The following RAB6A variants were observed in gnomAD, a reference collection of about 807,000 sequenced individuals.
The protein encoded by RAB6A is RAB6A, member RAS oncogene family, also known as ras-related protein Rab-6A.
RAB6A carries 8 observed loss-of-function variants against 32.3 expected under a neutral mutation model. The ratio of observed to expected loss-of-function variants is 0.25; its 90% CI spans 0.15 to 0.45. RAB6A has a LOEUF of 0.45. Ranked by LOEUF, RAB6A falls within the 20% of genes least tolerant of loss-of-function variation. The pLI is 1.00. For missense variants in RAB6A, 104 were observed against 249.4 expected (o/e 0.42, Z 3.93); for synonymous variants, 73 against 82.1 (o/e 0.89, Z 0.60).
At chr11:73,740,269 G>A (rs1336808438) in intron 1 of RAB6A, among the ~76,000 whole-genome samples, 1 of 152,062 alleles carries the variant, frequency 6.6e-6, no homozygotes, top group Non-Finnish European at 1.5e-5. Context: ...TAAATCATAT[G>A]CTATGATTGT....
At chr11:73,685,185 T>C (rs1945422958) in intron 6 of RAB6A, among the ~76,000 whole-genome samples, 2 of 152,122 alleles carry the variant, frequency 1.3e-5, no homozygotes, top group Admixed American at 1.3e-4. Context: ...ATGTGTAAGA[T>C]GGGCTTAAAA....
At chr11:73,710,188 G>T (rs1442182103) in intron 5 of RAB6A, among the ~76,000 whole-genome samples, 2 of 148,142 alleles carry the variant, frequency 1.4e-5, no homozygotes, top group African/African-American at 4.9e-5. Flanking sequence ...GGATGGTCTC[G>T]ATCTCCGGAC....
chr11:73,685,885 C>CAAAATAA (rs1945446474), intron 6 of RAB6A, among the ~76,000 whole-genome samples: 1 of 103,028 alleles, frequency 9.7e-6, no homozygotes, highest in Non-Finnish European at 1.8e-5. Context: ...AACTCCGTCT[C>CAAAATAA]AAAAAAAAAA....
chr11:73,712,027 G>A (rs1945965094), intron 5 of RAB6A, among the ~76,000 whole-genome samples: 1 of 151,858 alleles, frequency 6.6e-6, no homozygotes, highest in Non-Finnish European at 1.5e-5. Flanking sequence ...TTTTTGATAC[G>A]ATTTACAAAT....
chr11:73,707,319 G>T, intron 6 of RAB6A, 101 bp downstream of exon 6: 3 of 751,430 alleles, frequency 4.0e-6, no homozygotes, highest in Non-Finnish European at 6.7e-6. Context: ...AGTTTGTAAG[G>T]CCTGCTCTTG....
chr11:73,680,427 G>T (rs1254071209), intron 6 of RAB6A, among the ~76,000 whole-genome samples: 1 of 152,144 alleles, frequency 6.6e-6, no homozygotes, highest in Admixed American at 6.5e-5. Flanking sequence ...GAGGCCAAGG[G>T]GTGTGGATCA....
intron 1 of RAB6A, among the ~76,000 whole-genome samples, chr11:73,746,131 A>G (rs1284121629): frequency 6.6e-6 from 1 of 151,576 alleles, no homozygotes; most frequent in Non-Finnish European, 1.5e-5. Context: ...GGAGTTCAAG[A>G]GCAGCCTGGC....
chr11:73,729,300 T>C (rs1946270373), intron 2 of RAB6A, among the ~76,000 whole-genome samples: 2 of 152,132 alleles, frequency 1.3e-5, no homozygotes, highest in African/African-American at 4.8e-5. Flanking sequence ...AGTTTTGCCA[T>C]ATTGGCCAAG....
At chr11:73,724,483 CG>C (rs962284743) in intron 2 of RAB6A, among the ~76,000 whole-genome samples, 3 of 137,708 alleles carry the variant, frequency 2.2e-5, no homozygotes, top group African/African-American at 5.4e-5. Flanking sequence ...AAATGCATTT[CG>C]TTTTTTTTTT....
chr11:73,755,441 G>A (rs933406990), intron 1 of RAB6A, among the ~76,000 whole-genome samples: 9 of 151,490 alleles, frequency 5.9e-5, no homozygotes, highest in African/African-American at 2.2e-4. Context: ...CTACAGGCAC[G>A]CACCACCATG....
chr11:73,757,143 T>A (rs1170120344), intron 1 of RAB6A, among the ~76,000 whole-genome samples: 1 of 97,600 alleles, frequency 1.0e-5, no homozygotes, highest in African/African-American at 4.3e-5. Context: ...TTTTTTTTTT[T>A]TTTTTTTTTT....
chr11:73,726,238 T>C lies in RAB6A; in HGVS notation c.129+4527A>G, dbSNP rs1207043735. Among the ~76,000 whole-genome samples the C allele has an allele frequency of 4.7e-5, 7 of 147,778 alleles. No individual in the cohort carries two copies. The East Asian group carries it at 1.4e-3, about 30-fold the overall frequency. ...AGGCAGAGGTTGTAGTAAGCCAAGA[T>C]TGAGCCACTGCACTCTAGCCTGGGC... On this transcript the variant is annotated intron_variant, in intron 2 of 7. Transcript: ENST00000336083.
chr11:73,679,571 G>A (rs1945320860), intron 7 of RAB6A, 83 bp downstream of exon 7: 15 of 1,529,372 alleles, frequency 9.8e-6, no homozygotes, highest in Non-Finnish European at 1.3e-5. Flanking sequence ...AAAGGCAATG[G>A]CACAATATTC....
chr11:73,733,374 C>T (rs971285782), intron 1 of RAB6A, among the ~76,000 whole-genome samples: 3 of 151,842 alleles, frequency 2.0e-5, no homozygotes, highest in Non-Finnish European at 4.4e-5. Flanking sequence ...CATGGCAAAA[C>T]CTCATTTCTA....
At position 73,722,367 on chromosome 11, in the gene RAB6A, T is replaced by TTTTTTTTTTG. The variant is rs1393411671; in HGVS notation, c.130-1469_130-1468insCAAAAAAAAA. 11 of 81,780 alleles carry TTTTTTTTTTG rather than the reference T, an allele frequency of 1.3e-4. 1 individual carries two copies. Among genetic ancestry groups the TTTTTTTTTTG allele is most frequent in the Non-Finnish European group, 1.6e-4 (7 of 42,746 alleles). The allele number at this position is 81,780 out of a possible 1,614,324, so 5.1% of individuals were successfully genotyped here. A position where few individuals can be genotyped will look rare whatever the true frequency, so the allele number is the denominator to read the frequency against. On this transcript the variant is annotated intron_variant, in intron 2 of 7. Coordinates refer to ENST00000336083, the MANE Select transcript of RAB6A (RefSeq NM_198896.2). ...TATTTTTTTTTTTTTTTTTTTTTTT[T>TTTTTTTTTTG]GAGACAGTCTCACACTCTTGCCCAA...
intron 6 of RAB6A, among the ~76,000 whole-genome samples, chr11:73,684,166 TTG>T (rs1491168535): frequency 3.7e-5 from 2 of 54,116 alleles, no homozygotes; most frequent in African/African-American, 1.1e-4. Flanking sequence ...ACATACATTG[TTG>T]TTTTTTTTTT....
At chr11:73,694,931 G>A (rs900320257) in intron 6 of RAB6A, among the ~76,000 whole-genome samples, 6 of 152,114 alleles carry the variant, frequency 3.9e-5, no homozygotes, top group South Asian at 4.1e-4. Flanking sequence ...CACGAGAATC[G>A]CTTGAACCCA....
chr11:73,713,699 G>A (rs892788368), intron 5 of RAB6A, among the ~76,000 whole-genome samples: 3 of 151,974 alleles, frequency 2.0e-5, no homozygotes, highest in Admixed American at 1.3e-4. Context: ...TTCATGTCAT[G>A]CTTATAAAAG....
chr11:73,685,286 C>CT (rs750488240), intron 6 of RAB6A, among the ~76,000 whole-genome samples: 9,581 of 117,104 alleles, frequency 0.082, 776 homozygotes, highest in African/African-American at 0.14. Context: ...TATAGAAAGT[C>CT]TTTTTTTTTT....
Sources: allele counts gnomAD v4.1 joint callset (sites outside exome capture counted in the v4.1 genomes callset), GRCh38; gene constraint gnomAD v4.1.1; transcripts MANE v1.5; gene names NCBI Gene and HGNC (gene_info 2026-07-23, HGNC 2026-07-21).